Variants in CNST observed in about 807,000 individuals in gnomAD.
CNST encodes the protein consortin.
Under a neutral mutation model 72.4 loss-of-function variants are expected in CNST, and 39 were observed. That is an observed-to-expected ratio of 0.54 (90% confidence interval 0.42 to 0.70). CNST has a LOEUF of 0.70. CNST is among the 30% of genes least tolerant of loss of function. CNST has a pLI of 0.00. For synonymous variants in CNST, 332 were observed against 320.1 expected, an observed-to-expected ratio of 1.04 and a Z score of -0.40; for missense variants, 871 against 868.5, an observed-to-expected ratio of 1.00 and a Z score of -0.04.
At chr1:246,588,948 T>C (rs1460562308) in intron 1 of CNST, among the ~76,000 whole-genome samples, 1 of 152,124 alleles carries the variant, frequency 6.6e-6, no homozygotes, top group African/African-American at 2.4e-5. Context: ...TTTATTAAAA[T>C]TTATAAAAAT....
chr1:246,646,107 A>G (rs1035850294), intron 8 of CNST, among the ~76,000 whole-genome samples: 10 of 151,836 alleles, frequency 6.6e-5, no homozygotes, highest in South Asian at 4.2e-4. Context: ...GTGAAACCCC[A>G]TCTCTACTAA....
At chr1:246,583,755 C>T (rs1468365335) in intron 1 of CNST, among the ~76,000 whole-genome samples, 1 of 152,124 alleles carries the variant, frequency 6.6e-6, no homozygotes, top group African/African-American at 2.4e-5. Context: ...ACAAAGAGCA[C>T]TGGGTAAGAC....
chr1:246,634,247 C>T (rs145478383), intron 5 of CNST: 252 of 554,280 alleles, frequency 4.5e-4, no homozygotes, highest in African/African-American at 4.3e-3. Flanking sequence ...CAACTATTTG[C>T]ATTTTTCCTA....
intron 9 of CNST, among the ~76,000 whole-genome samples, chr1:246,652,696 C>T (rs1296751636): frequency 1.3e-5 from 2 of 152,066 alleles, no homozygotes; most frequent in Admixed American, 6.5e-5. Flanking sequence ...TGTGTTACTG[C>T]TTGGGTCTTT....
At chr1:246,650,235 A>G (rs1156675040) in intron 9 of CNST, among the ~76,000 whole-genome samples, 1 of 152,200 alleles carries the variant, frequency 6.6e-6, no homozygotes, top group African/African-American at 2.4e-5. Context: ...GTAACAGCTA[A>G]CAGTGGAAAT....
chr1:246,621,322 G>A, intron 2 of CNST, 107 bp from the exon 3 acceptor site: 1 of 830,520 alleles, frequency 1.2e-6, no homozygotes, highest in South Asian at 1.5e-5. Flanking sequence ...GTTCAGGTCT[G>A]TTTTAGTTTG....
intron 2 of CNST, 42 bp from the exon 3 acceptor site, chr1:246,621,387 G>T: frequency 7.0e-7 from 1 of 1,436,826 alleles, no homozygotes; most frequent in South Asian, 1.1e-5. Flanking sequence ...ACACCATCAT[G>T]GGAATTGATC....
chr1:246,629,920 C>G (rs1177889682), intron 3 of CNST, among the ~76,000 whole-genome samples: 1 of 152,128 alleles, frequency 6.6e-6, no homozygotes, highest in Non-Finnish European at 1.5e-5. Context: ...TTAGTAGAGA[C>G]AGTATTTCGC....
At chr1:246,618,931 C>T (rs1663871914) in intron 2 of CNST, among the ~76,000 whole-genome samples, 1 of 152,082 alleles carries the variant, frequency 6.6e-6, no homozygotes, top group Admixed American at 6.6e-5. Flanking sequence ...TTTGAAAGTC[C>T]ATCCTTCTTT....
intron 9 of CNST, 178 bp downstream of exon 9, chr1:246,648,215 A>G: frequency 7.2e-7 from 1 of 1,388,968 alleles, no homozygotes; most frequent in Non-Finnish European, 9.3e-7. Context: ...GAATAAAATG[A>G]CTTTTAATCA....
intron 8 of CNST, among the ~76,000 whole-genome samples, chr1:246,644,697 C>T (rs1360696466): frequency 6.6e-6 from 1 of 152,222 alleles, no homozygotes; most frequent in Non-Finnish European, 1.5e-5. Context: ...ACACCCCAGT[C>T]CTCTGATGTG....
intron 10 of CNST, among the ~76,000 whole-genome samples, chr1:246,661,796 A>G (rs745743068): frequency 1.3e-5 from 2 of 152,242 alleles, no homozygotes; most frequent in Admixed American, 1.3e-4. Flanking sequence ...TGGGTGTGAC[A>G]TAAGTGATAA....
chr1:246,625,672 G>A (rs370949530), intron 3 of CNST, among the ~76,000 whole-genome samples: 2 of 151,816 alleles, frequency 1.3e-5, no homozygotes, highest in Admixed American at 6.6e-5. Context: ...CGCCCGCCTC[G>A]GCCTCCCAAA....
chr1:246,654,947 C>T lies in CNST; in HGVS notation c.1837-5252C>T, dbSNP rs143738526. The stretch of plus-strand genomic sequence containing the variant: ...AGCTTACTTTCTAGAGGGAGAGACA[C>T]GTAATAAGTTAACATAAAAACAAAA... On this transcript the variant is annotated intron_variant, in intron 9 of 10. Transcript: ENST00000366513. 4.9e-4 allele frequency among the ~76,000 whole-genome samples: 74 copies of T among 151,844 alleles called. No homozygotes were observed. The South Asian group carries it at 9.1e-3, about 19-fold the overall frequency.
At chr1:246,586,366 A>T (rs1284662717) in intron 1 of CNST, among the ~76,000 whole-genome samples, 1 of 148,050 alleles carries the variant, frequency 6.8e-6, no homozygotes, top group African/African-American at 2.5e-5. Context: ...ATACATAGAT[A>T]TATAAAAGAT....
rs144215492 is a variant in CNST at position 246,631,392 on chromosome 1, C to T, written c.586-502C>T. Among the ~76,000 whole-genome samples the T allele has an allele frequency of 9.9e-5, 15 of 152,236 alleles. No individual in the cohort carries two copies. In the East Asian group the frequency reaches 1.3e-3, roughly 14 times the overall value. ...GTCAGTGTCCTGTGAGGTCCTCAGC[C>T]GGTGGTTTGTGAAACAGGAATGAAA... On this transcript the variant is annotated intron_variant, in intron 3 of 10. Coordinates refer to ENST00000366513, the MANE Select transcript of CNST (RefSeq NM_152609.3).
intron 1 of CNST, among the ~76,000 whole-genome samples, chr1:246,582,476 G>A (rs1270704361): frequency 6.6e-6 from 1 of 151,738 alleles, no homozygotes; most frequent in Non-Finnish European, 1.5e-5. Context: ...AGCCTCCCTA[G>A]TAGCTGGAAT....
At chr1:246,618,169 C>G in intron 2 of CNST, among the ~76,000 whole-genome samples, 1 of 152,214 alleles carries the variant, frequency 6.6e-6, no homozygotes, top group South Asian at 2.1e-4. Flanking sequence ...TAATGGTCTG[C>G]ATTTCTTATG....
At chr1:246,590,130 C>T (rs1305848676) in intron 1 of CNST, among the ~76,000 whole-genome samples, 2 of 152,092 alleles carry the variant, frequency 1.3e-5, no homozygotes, top group Non-Finnish European at 2.9e-5. Flanking sequence ...AGACTTGCAT[C>T]TTAAGAGCCA....
Sources: gnomAD v4.1 joint callset for allele counts (sites outside exome capture counted in the v4.1 genomes callset) on GRCh38, gnomAD v4.1.1 for gene constraint, MANE v1.5 for transcripts, NCBI Gene and HGNC (gene_info 2026-07-23, HGNC 2026-07-21) for gene names.